BAX: variants seen among roughly 807,000 people sequenced by gnomAD.
BAX encodes apoptosis regulator BAX.
BAX carries 21 observed loss-of-function variants against 26.8 expected under a neutral mutation model. That is an observed-to-expected ratio of 0.78 (90% CI 0.56 to 1.13). BAX has a LOEUF of 1.13. Among genes scored for constraint, BAX ranks in the 50% most tolerant of loss-of-function variants. The pLI is 0.00. For synonymous variants in BAX, 110 were observed against 101.8 expected (o/e 1.08, Z -0.49); for missense variants, 236 against 254.6 (o/e 0.93, Z 0.50).
At chr19:48,956,007 A>AG in intron 3 of BAX, 174 bp downstream of exon 3, 1 of 1,125,232 alleles carries the variant, frequency 8.9e-7, no homozygotes, top group South Asian at 1.8e-5. Flanking sequence ...ACCCTCCTTC[A>AG]GGGAGTCATT....
intron 1 of BAX, 169 bp downstream of exon 1, chr19:48,955,131 C>G: frequency 1.3e-6 from 1 of 797,224 alleles, no homozygotes; most frequent in Non-Finnish European, 1.7e-6. Context: ...GTTCCTGGCT[C>G]TCTGATCCCC....
rs1600107891 is a variant in BAX, at chr19:48,958,539, TC to T, written c.369+2207del. Among the ~76,000 whole-genome samples the T allele has an allele frequency of 8.5e-5, 3 of 35,188 alleles. No homozygotes were observed. In the East Asian group the frequency reaches 5.7e-3, roughly 67 times the overall value. The allele number at this position is 35,188 out of a possible 152,430, so 23.1% of individuals were successfully genotyped here. A position where few individuals can be genotyped will look rare whatever the true frequency, so the allele number is the denominator to read the frequency against. ...CAAATGGGAGGGATATTTCTTTCTT[TC>T]TTTCTTTTTTTTTTTTCCTGAGACG... On this transcript the variant is annotated intron_variant, in intron 4 of 5. Coordinates refer to ENST00000345358, the MANE Select transcript of BAX (RefSeq NM_138761.4).
chr19:48,959,405 T>C (rs189080396), intron 4 of BAX, among the ~76,000 whole-genome samples: 199 of 145,768 alleles, frequency 1.4e-3, no homozygotes, highest in South Asian at 2.0e-3. Flanking sequence ...ACATTTGCCC[T>C]GAGAGCTGAA....
intron 4 of BAX, among the ~76,000 whole-genome samples, chr19:48,959,826 CAAAA>C (rs764008422): frequency 8.4e-6 from 1 of 118,710 alleles, no homozygotes; most frequent in Admixed American, 8.7e-5. Flanking sequence ...AACTCTATCT[CAAAA>C]AAAAAAAAAA....
intron 1 of BAX, 157 bp from the exon 2 acceptor site, chr19:48,955,391 C>T: frequency 1.3e-6 from 1 of 773,694 alleles, no homozygotes; most frequent in South Asian, 2.2e-5. Context: ...CCATCAGGGA[C>T]TCAGTTGTCT....
At chr19:48,955,141 C>T (rs4645883) in intron 1 of BAX, 179 bp downstream of exon 1, 2 of 744,972 alleles carry the variant, frequency 2.7e-6, no homozygotes, top group African/African-American at 1.8e-5. Flanking sequence ...CTCTGATCCC[C>T]GTGTCCCGAT....
At chr19:48,961,084 C>T (rs780659742) in intron 5 of BAX, 170 bp downstream of exon 5, 5 of 1,593,844 alleles carry the variant, frequency 3.1e-6, no homozygotes, top group Non-Finnish European at 4.3e-6. Context: ...AATGCGTTTT[C>T]CTTACGTGTC....
chr19:48,955,103 T>G, intron 1 of BAX, 141 bp downstream of exon 1: 1 of 1,013,668 alleles, frequency 9.9e-7, no homozygotes, highest in African/African-American at 1.7e-5. Context: ...CAGCCTCCAG[T>G]CCCCTCCGTC....
At chr19:48,956,021 C>G in intron 3 of BAX, 177 bp from the exon 4 acceptor site, 1 of 1,136,282 alleles carries the variant, frequency 8.8e-7, no homozygotes, top group Non-Finnish European at 1.2e-6. Context: ...AGTCATTTTT[C>G]CCACCTTCCT....
intron 4 of BAX, among the ~76,000 whole-genome samples, chr19:48,959,833 A>G (rs951959875): frequency 3.5e-4 from 53 of 151,320 alleles, no homozygotes; most frequent in African/African-American, 1.3e-3. Flanking sequence ...TCTCAAAAAA[A>G]AAAAAAAAAA....
In BAX at chr19:48,960,149, T is replaced by TG. The variant is rs2038299408; in HGVS notation, c.370-657dup. 7 of 403,774 alleles carry TG rather than the reference T, an allele frequency of 1.7e-5. No homozygotes were observed. In the Admixed American group the frequency reaches 1.9e-4, roughly 11 times the overall value. 25.0% of individuals were successfully genotyped at this position (403,774 alleles called of 1,614,324 possible). On this transcript the variant is annotated intron_variant, in intron 4 of 5. Transcript: ENST00000345358. ...TGGGGAGCCACAGAAGGCTCAGGGG[T>TG]GGGGCAGTTGAGAGTAACATTATCT...
chr19:48,958,206 A>C (rs2038213241), intron 4 of BAX, among the ~76,000 whole-genome samples: 1 of 151,652 alleles, frequency 6.6e-6, no homozygotes, highest in Non-Finnish European at 1.5e-5. Context: ...CTCTCGCCTC[A>C]GTCTCCAGAG....
At position 48,961,079 on chromosome 19, in the gene BAX, G is replaced by A. The variant is rs769968939; in HGVS notation, c.474+165G>A. The A allele has an allele frequency of 1.4e-4, 225 of 1,598,986 alleles. 1 individual carries two copies. The highest frequency in any genetic ancestry group is 7.5e-5 in the Non-Finnish European group (88 of 1,174,494). On this transcript the variant is annotated intron_variant, in intron 5 of 5. Coordinates refer to ENST00000345358, the MANE Select transcript of BAX (RefSeq NM_138761.4). ...GATCATCAGATGTGGTCTATAATGC[G>A]TTTTCCTTACGTGTCTGATCAATCC...
intron 4 of BAX, among the ~76,000 whole-genome samples, chr19:48,958,771 C>T (rs2122372253): frequency 6.6e-6 from 1 of 152,022 alleles, no homozygotes; most frequent in African/African-American, 2.4e-5. Flanking sequence ...TCTCGAACTC[C>T]TTACCTCAGG....
At chr19:48,956,144 TCCA>T in intron 3 of BAX, 51 bp from the exon 4 acceptor site, 1 of 1,462,844 alleles carries the variant, frequency 6.8e-7, no homozygotes, top group Non-Finnish European at 9.1e-7. Flanking sequence ...GCGGGAATTT[TCCA>T]CCATCAGCCT....
rs1269518801 is a variant in BAX, at chr19:48,961,599, T to A, written c.542T>A (p.Leu181His). ...GTGACCATCTTTGTGGCGGGAGTGC[T>A]CACCGCCTCACTCACCATCTGGAAG... ...QTVTIFVAGV[L>H]TASLTIWKKM... Residue 181 changes from leucine (L) to histidine (H), a missense_variant, in exon 6 of 6, where the codon CTC (leucine) becomes CAC (histidine). By Grantham distance (99) the Leu-to-His change is moderately conservative. Transcript: ENST00000345358. 6.2e-7 allele frequency: 1 copy of A among 1,600,236 alleles called. No homozygotes were observed. The highest frequency in any genetic ancestry group is 8.5e-7 in the Non-Finnish European group (1 of 1,173,300).
intron 4 of BAX, 51 bp from the exon 5 acceptor site, chr19:48,960,759 C>G: frequency 6.9e-7 from 1 of 1,453,332 alleles, no homozygotes; most frequent in East Asian, 2.3e-5. Context: ...CCACTATCTC[C>G]AGGCAGTGGG....
chr19:48,955,068 C>T, intron 1 of BAX, 106 bp downstream of exon 1: 2 of 1,199,458 alleles, frequency 1.7e-6, no homozygotes, highest in Non-Finnish European at 2.1e-6. Flanking sequence ...CACTGAGGGG[C>T]AGAAACTCCC....
chr19:48,961,693 G>T lies in BAX; in HGVS notation c.*57G>T. 5.0e-6 allele frequency: 7 copies of T among 1,389,192 alleles called. No individual in the cohort carries two copies. Among genetic ancestry groups the T allele is most frequent in the Non-Finnish European group, 7.0e-6 (7 of 1,004,754 alleles). The allele number at this position is 1,389,192 out of a possible 1,614,324, so 86.1% of individuals were successfully genotyped here. A position where few individuals can be genotyped will look rare whatever the true frequency, so the allele number is the denominator to read the frequency against. On this transcript the variant is annotated 3_prime_UTR_variant, in exon 6 of 6. Coordinates refer to ENST00000345358, the MANE Select transcript of BAX (RefSeq NM_138761.4). ...TCCATAAATTATGGCATTTTTCTGG[G>T]AGGGGTGGGGATTGGGGGACGTGGG...
Sources: gnomAD v4.1 joint callset for allele counts (sites outside exome capture counted in the v4.1 genomes callset) on GRCh38, gnomAD v4.1.1 for gene constraint, MANE v1.5 for transcripts, NCBI Gene and HGNC (gene_info 2026-07-23, HGNC 2026-07-21) for gene names.